The following TECRL variants were observed in gnomAD, a reference collection of about 807,000 sequenced individuals.
TECRL encodes trans-2,3-enoyl-CoA reductase-like.
A neutral mutation model predicts 52.8 loss-of-function variants in TECRL; 63 were observed. The ratio of observed to expected loss-of-function variants is 1.19; its 90% CI spans 0.97 to 1.47. The LOEUF (loss-of-function observed/expected upper bound fraction) is 1.47, where lower values mean the gene tolerates loss of function less well. TECRL is among the 40% of genes most tolerant of loss of function. The pLI is 0.00. For synonymous variants in TECRL, 164 were observed against 141.9 expected (o/e 1.16, Z -1.10); for missense variants, 482 against 429.6 (o/e 1.12, Z -1.08).
At chr4:64,365,062 A>C (rs553151387) in intron 2 of TECRL, among the ~76,000 whole-genome samples, 140 of 152,158 alleles carry the variant, frequency 9.2e-4, no homozygotes, top group African/African-American at 3.3e-3. Flanking sequence ...TAATAAAATA[A>C]GCTTCACAGG....
intron 1 of TECRL, among the ~76,000 whole-genome samples, chr4:64,387,002 C>A (rs994308713): frequency 6.6e-6 from 1 of 152,140 alleles, no homozygotes; most frequent in Non-Finnish European, 1.5e-5. Context: ...TAAGTTTGGA[C>A]AAATTTATAA....
chr4:64,280,131 G>T lies in TECRL; in HGVS notation c.1033C>A (p.Leu345Met), dbSNP rs1471705012. Residue 345 changes from leucine (L) to methionine (M), a missense_variant, in exon 12 of 12, where the codon CTG (leucine) becomes ATG (methionine). Physicochemically the swap from Leu to Met is conservative, Grantham distance 15. Coordinates refer to ENST00000381210, the MANE Select transcript of TECRL (RefSeq NM_001010874.5). Reference protein sequence around the residue: ...LWAQKKHKIYLRKFNSYIHRK... With the variant: ...LWAQKKHKIYMRKFNSYIHRK... Reference sequence around the variant, plus strand: ...TGAATATATGAATTGAATTTTCTCAGATAAATCTTATGTTTCTTTTGTGCC... The same window carrying T: ...TGAATATATGAATTGAATTTTCTCATATAAATCTTATGTTTCTTTTGTGCC... 4 of 1,603,738 alleles carry T rather than the reference G, an allele frequency of 2.5e-6. No homozygotes were observed. In the East Asian group the frequency reaches 9.0e-5, roughly 36 times the overall value.
intron 5 of TECRL, among the ~76,000 whole-genome samples, chr4:64,313,556 A>G (rs962722334): frequency 6.9e-5 from 9 of 130,704 alleles, no homozygotes; most frequent in African/African-American, 1.5e-4. Context: ...ATCTCAGCTC[A>G]CTGCAAGCTC....
At chr4:64,387,899 T>C (rs1560550301) in intron 1 of TECRL, among the ~76,000 whole-genome samples, 1 of 151,870 alleles carries the variant, frequency 6.6e-6, no homozygotes, top group Non-Finnish European at 1.5e-5. Flanking sequence ...ATTTTATAAA[T>C]ATATATTACA....
At chr4:64,311,029 C>G (rs772284695) in intron 5 of TECRL, among the ~76,000 whole-genome samples, 1 of 152,152 alleles carries the variant, frequency 6.6e-6, no homozygotes, top group Non-Finnish European at 1.5e-5. Context: ...TGATGACATA[C>G]TTTAACCAGT....
At chr4:64,329,912 A>G (rs564506710) in intron 2 of TECRL, among the ~76,000 whole-genome samples, 10 of 151,892 alleles carry the variant, frequency 6.6e-5, no homozygotes, top group African/African-American at 2.4e-4. Context: ...ATGATACATA[A>G]AACTCTTATT....
intron 1 of TECRL, among the ~76,000 whole-genome samples, chr4:64,400,824 C>A (rs1724306465): frequency 6.6e-6 from 1 of 152,148 alleles, no homozygotes; most frequent in Non-Finnish European, 1.5e-5. Context: ...GAAGCAGATG[C>A]CACTAGGCTT....
chr4:64,295,047 C>CT (rs1723601863), intron 8 of TECRL, among the ~76,000 whole-genome samples: 1 of 151,312 alleles, frequency 6.6e-6, no homozygotes, highest in Non-Finnish European at 1.5e-5. Flanking sequence ...AATTATAAAC[C>CT]TTTTTTCAAT....
intron 8 of TECRL, among the ~76,000 whole-genome samples, chr4:64,297,486 T>C (rs1723754807): frequency 6.6e-6 from 1 of 151,014 alleles, no homozygotes; most frequent in South Asian, 2.1e-4. Context: ...TCTGGTTGAA[T>C]TGCATATTAT....
rs909233123 is a variant in TECRL at position 64,350,805 on chromosome 4, C to G, written c.287-22249G>C. On this transcript the variant is annotated intron_variant, in intron 2 of 11. Coordinates refer to ENST00000381210, the MANE Select transcript of TECRL (RefSeq NM_001010874.5). ...AAGCCTCCACAATCACATGAGCCAC[C>G]CTCCACATTCTTTTGGTTCTGTTTC... is the stretch of plus-strand genomic sequence containing the variant. Among the ~76,000 whole-genome samples, 5 of 151,868 alleles carry G rather than the reference C, an allele frequency of 3.3e-5. No homozygotes were observed. The South Asian group carries it at 1.0e-3, about 32-fold the overall frequency.
At chr4:64,323,418 C>G (rs187737388) in intron 3 of TECRL, among the ~76,000 whole-genome samples, 1 of 152,024 alleles carries the variant, frequency 6.6e-6, no homozygotes, top group African/African-American at 2.4e-5. Context: ...AACAAAACAA[C>G]AAAAAGTGTA....
At position 64,309,822 on chromosome 4, in the gene TECRL, T is replaced by C; in HGVS notation, c.657+4A>G. 1 of 1,560,784 alleles carries C rather than the reference T, an allele frequency of 6.4e-7. No homozygotes were observed. Among genetic ancestry groups the C allele is most frequent in the Non-Finnish European group, 8.8e-7 (1 of 1,133,414 alleles). ...TCATTATTAAAAACACAAAGCATCC[T>C]CACCATTATCAAATTTTTCAAAGGT... On this transcript the variant is annotated splice_donor_region_variant and intron_variant, in intron 6 of 11. Coordinates refer to ENST00000381210, the MANE Select transcript of TECRL (RefSeq NM_001010874.5).
chr4:64,388,319 G>C (rs1332930952), intron 1 of TECRL, among the ~76,000 whole-genome samples: 2 of 148,428 alleles, frequency 1.3e-5, no homozygotes, highest in African/African-American at 4.9e-5. Context: ...CTTTGTCAAA[G>C]ATCAGTTGAC....
intron 2 of TECRL, among the ~76,000 whole-genome samples, chr4:64,341,084 C>T (rs1051657410): frequency 1.3e-5 from 2 of 152,134 alleles, no homozygotes; most frequent in Non-Finnish European, 2.9e-5. Context: ...AGGAGCTTCC[C>T]ACTCTAGGGT....
chr4:64,370,117 A>G (rs1373157051), intron 2 of TECRL, among the ~76,000 whole-genome samples: 3 of 151,948 alleles, frequency 2.0e-5, no homozygotes, highest in African/African-American at 7.2e-5. Flanking sequence ...AATACTTTGC[A>G]TAAGAGACAA....
At chr4:64,391,392 T>C (rs1261587649) in intron 1 of TECRL, among the ~76,000 whole-genome samples, 1 of 151,804 alleles carries the variant, frequency 6.6e-6, no homozygotes, top group African/African-American at 2.4e-5. Context: ...CACATACAAC[T>C]GGATGTTTAA....
chr4:64,312,172 A>G (rs981363402), intron 5 of TECRL, among the ~76,000 whole-genome samples: 2 of 152,206 alleles, frequency 1.3e-5, no homozygotes, highest in African/African-American at 2.4e-5. Flanking sequence ...ACATTATAAT[A>G]TGATTCAAAG....
intron 2 of TECRL, among the ~76,000 whole-genome samples, chr4:64,349,196 G>A (rs193218672): frequency 4.2e-3 from 387 of 91,864 alleles, no homozygotes; most frequent in Admixed American, 6.4e-3. Flanking sequence ...GCAATGGAAT[G>A]ATATCGGCTC....
intron 3 of TECRL, among the ~76,000 whole-genome samples, chr4:64,328,020 G>C (rs887488981): frequency 6.6e-6 from 1 of 151,952 alleles, no homozygotes; most frequent in Non-Finnish European, 1.5e-5. Context: ...CCATTTTTAA[G>C]TGCATTTATT....
Sources: gnomAD v4.1 joint callset for allele counts (sites outside exome capture counted in the v4.1 genomes callset) on GRCh38, gnomAD v4.1.1 for gene constraint, MANE v1.5 for transcripts, NCBI Gene and HGNC (gene_info 2026-07-23, HGNC 2026-07-21) for gene names.